The following SLCO2A1 variants were observed in gnomAD, a reference collection of about 807,000 sequenced individuals.
SLCO2A1 encodes the protein matrin F/G 1.
SLCO2A1 carries 60 observed loss-of-function variants against 71.7 expected under a neutral mutation model. The ratio of observed to expected loss-of-function variants is 0.84; its 90% CI spans 0.68 to 1.04. The LOEUF is 1.04. Ranked by LOEUF, SLCO2A1 falls within the 50% of genes least tolerant of loss-of-function variation. The probability of loss-of-function intolerance (pLI) is 0.00; values close to 1 mark genes in which losing one functional copy is unlikely to be tolerated. For missense variants in SLCO2A1, 745 were observed against 813.4 expected, an observed-to-expected ratio of 0.92 and a Z score of 1.02; for synonymous variants, 308 against 326.7, an observed-to-expected ratio of 0.94 and a Z score of 0.62.
Position 134,017,245 on chromosome 3 carries a change from T to C in SLCO2A1, c.96+12462A>G, listed in dbSNP as rs943911326. On this transcript the variant is annotated intron_variant, in intron 1 of 13. Transcript: ENST00000310926. The stretch of plus-strand genomic sequence containing the variant: ...CTGAAATTATATAAGATGCAACCAC[T>C]GGCAGAAACTAGGTGAAGGCTACAC... 5.9e-5 allele frequency among the ~76,000 whole-genome samples: 9 copies of C among 152,270 alleles called. 1 individual carries two copies. The highest frequency in any genetic ancestry group is 2.2e-4 in the African/African-American group (9 of 41,470).
chr3:134,000,531 G>C (rs72980383), intron 1 of SLCO2A1, among the ~76,000 whole-genome samples: 3,870 of 152,234 alleles, frequency 0.025, 180 homozygotes, highest in African/African-American at 0.088. Context: ...GGTGCAGGGA[G>C]CTAACTGGCA....
chr3:133,994,523 GACTGTT>G (rs1934921300), intron 1 of SLCO2A1, among the ~76,000 whole-genome samples: 1 of 152,148 alleles, frequency 6.6e-6, no homozygotes, highest in Non-Finnish European at 1.5e-5. Flanking sequence ...CTCTCTCTCT[GACTGTT>G]CCTTCTTTGA....
intron 12 of SLCO2A1, 98 bp from the exon 13 acceptor site, chr3:133,935,995 T>C: frequency 7.7e-7 from 1 of 1,295,002 alleles, no homozygotes; most frequent in Non-Finnish European, 1.0e-6. Flanking sequence ...TTCACATACA[T>C]GAGAACGGCT....
At chr3:133,935,327 G>A (rs962067524) in intron 13 of SLCO2A1, among the ~76,000 whole-genome samples, 2 of 152,206 alleles carry the variant, frequency 1.3e-5, no homozygotes, top group African/African-American at 4.8e-5. Context: ...TAGCACTGCA[G>A]CTGGACTTGG....
chr3:134,022,251 G>A (rs1293474684), intron 1 of SLCO2A1, among the ~76,000 whole-genome samples: 1 of 152,028 alleles, frequency 6.6e-6, no homozygotes, highest in Non-Finnish European at 1.5e-5. Flanking sequence ...TTATAAAAAA[G>A]AATTTATGCA....
intron 1 of SLCO2A1, among the ~76,000 whole-genome samples, chr3:133,987,347 C>G (rs1424500494): frequency 2.0e-5 from 3 of 151,876 alleles, no homozygotes; most frequent in Non-Finnish European, 2.9e-5. Flanking sequence ...CTCTCTGAAG[C>G]CAGCCGGCTA....
chr3:133,953,192 A>G (rs1285606818), intron 5 of SLCO2A1, among the ~76,000 whole-genome samples: 1 of 151,890 alleles, frequency 6.6e-6, no homozygotes, highest in East Asian at 1.9e-4. Flanking sequence ...ATCTGCCACC[A>G]CGCCCGGCTA....
intron 1 of SLCO2A1, among the ~76,000 whole-genome samples, chr3:133,995,819 C>A (rs190291015): frequency 6.6e-6 from 1 of 152,200 alleles, no homozygotes; most frequent in African/African-American, 2.4e-5. Flanking sequence ...GGCACTCATA[C>A]GCCATAAGTG....
At chr3:133,972,797 A>T (rs977977902) in intron 3 of SLCO2A1, among the ~76,000 whole-genome samples, 1 of 152,214 alleles carries the variant, frequency 6.6e-6, no homozygotes, top group Non-Finnish European at 1.5e-5. Flanking sequence ...AGGGTAAAAT[A>T]GAGGCATTTT....
At position 134,029,694 on chromosome 3, in the gene SLCO2A1, G is replaced by T; in HGVS notation, c.96+13C>A. The stretch of plus-strand genomic sequence containing the variant: ...GCGGCTCCGGCCCGGAAGACCCCGC[G>T]GACTCCGCTCACCTTAATGTTGCCG... On this transcript the variant is annotated intron_variant, in intron 1 of 13. Transcript: ENST00000310926. 1 of 1,571,290 alleles carries T rather than the reference G, an allele frequency of 6.4e-7. No individual in the cohort carries two copies. Among genetic ancestry groups the T allele is most frequent in the Non-Finnish European group, 8.6e-7 (1 of 1,163,550 alleles).
chr3:133,938,539 C>T, intron 11 of SLCO2A1, 46 bp from the exon 12 acceptor site: 1 of 1,582,132 alleles, frequency 6.3e-7, no homozygotes, highest in Non-Finnish European at 8.7e-7. Context: ...TTCAGGGCTG[C>T]ACGATCCCTT....
rs1358317797 is a variant in SLCO2A1, at chr3:133,953,700, C to T, written c.687G>A (p.Met229Ile). 1.2e-6 allele frequency: 2 copies of T among 1,614,116 alleles called. No individual in the cohort carries two copies. Among genetic ancestry groups the T allele is most frequent in the South Asian group, 1.1e-5 (1 of 91,074 alleles). ...TGCCATAGTCCACAAAGATCTGCAG[C>T]ATGACAGAGCCCAGCAGGTACCCGA... ...PAFGYLLGSV[M>I]LQIFVDYGRV... The change falls in exon 5 of 14, where the codon ATG becomes ATA. Residue 229 changes from methionine (M) to isoleucine (I), a missense_variant. Transcript: ENST00000310926.
At chr3:133,949,912 C>T (rs137894817) in intron 6 of SLCO2A1, among the ~76,000 whole-genome samples, 19 of 152,248 alleles carry the variant, frequency 1.2e-4, no homozygotes, top group Middle Eastern at 6.8e-3. Flanking sequence ...ACTGCAGCCT[C>T]GAACTCCTGG....
chr3:134,029,195 G>A lies in SLCO2A1; in HGVS notation c.96+512C>T, dbSNP rs374065938. ...CCCCGTTGGCGGGAGAAGAAAGCCT[G>A]GGGAAGGAGAACATCCCTTAGGCCA... On this transcript the variant is annotated intron_variant, in intron 1 of 13. Transcript: ENST00000310926. Among the ~76,000 whole-genome samples, 268 of 152,192 alleles carry A rather than the reference G, an allele frequency of 1.8e-3. 2 individuals carry two copies. Among genetic ancestry groups the A allele is most frequent in the African/African-American group, 6.2e-3 (256 of 41,538 alleles).
intron 1 of SLCO2A1, among the ~76,000 whole-genome samples, chr3:134,018,218 G>A (rs1013038060): frequency 6.6e-6 from 1 of 152,202 alleles, no homozygotes; most frequent in African/African-American, 2.4e-5. Flanking sequence ...TTCAATGTTA[G>A]AGAAACACCA....
At chr3:133,988,561 C>T (rs1337773526) in intron 1 of SLCO2A1, among the ~76,000 whole-genome samples, 2 of 152,254 alleles carry the variant, frequency 1.3e-5, no homozygotes, top group African/African-American at 2.4e-5. Context: ...AGGGCTGTGT[C>T]ACAGGCCATG....
chr3:133,996,418 G>T (rs529918734), intron 1 of SLCO2A1, among the ~76,000 whole-genome samples: 1 of 152,220 alleles, frequency 6.6e-6, no homozygotes, highest in African/African-American at 2.4e-5. Context: ...AAGGTAGGAC[G>T]GACGTGCATG....
chr3:133,938,469 T>C lies in SLCO2A1; in HGVS notation c.1650A>G (p.Ser550=), dbSNP rs752444300. 3 of 1,614,100 alleles carry C rather than the reference T, an allele frequency of 1.9e-6. No individual in the cohort carries two copies. The Admixed American group carries it at 5.0e-5, about 27-fold the overall frequency. ...ACAAGAACTGCACCCCGATGGCAAA[T>C]GACTTTTCCTCCTGGTTCACCACAC... ...VLRVVNQEEK[S]FAIGVQFLLM... The change falls in exon 12 of 14, where the codon TCA becomes TCG. Residue 550 remains serine (S), a synonymous_variant. Coordinates refer to ENST00000310926, the MANE Select transcript of SLCO2A1 (RefSeq NM_005630.3).
At chr3:134,016,103 T>C (rs1935449898) in intron 1 of SLCO2A1, among the ~76,000 whole-genome samples, 1 of 151,846 alleles carries the variant, frequency 6.6e-6, no homozygotes, top group African/African-American at 2.4e-5. Context: ...ATAGAAGAAA[T>C]CATTCGGAAA....
Sources: allele counts gnomAD v4.1 joint callset (sites outside exome capture counted in the v4.1 genomes callset), GRCh38; gene constraint gnomAD v4.1.1; transcripts MANE v1.5; gene names NCBI Gene and HGNC (gene_info 2026-07-23, HGNC 2026-07-21).